The following NSL1 variants were observed in gnomAD, a reference collection of about 807,000 sequenced individuals.
The protein encoded by NSL1 is kinetochore-associated protein NSL1 homolog.
Under a neutral mutation model 25.4 loss-of-function variants are expected in NSL1, and 11 were observed. The observed-to-expected ratio is 0.43, with a 90% CI of 0.27 to 0.72. NSL1 has a LOEUF of 0.72. NSL1 is among the 30% of genes least tolerant of loss of function. The pLI is 0.19. For missense variants in NSL1, 330 were observed against 342.7 expected, an observed-to-expected ratio of 0.96 and a Z score of 0.29; for synonymous variants, 118 against 120.6, an observed-to-expected ratio of 0.98 and a Z score of 0.14.
At chr1:212,742,272 A>G (rs1172087152) in intron 4 of NSL1, among the ~76,000 whole-genome samples, 1 of 152,238 alleles carries the variant, frequency 6.6e-6, no homozygotes, top group Non-Finnish European at 1.5e-5. Context: ...TGGACTTAAG[A>G]AAATTTACAT....
chr1:212,762,306 CAAAAAAAAAAAAA>C lies in NSL1; in HGVS notation c.499+20053_499+20065del, dbSNP rs71147025. On this transcript the variant is annotated intron_variant, in intron 4 of 5. Transcript: ENST00000366977. ...GAGTCTCACTCTGTCTTAAAAGAAA[CAAAAAAAAAAAAA>C]AAAAAAAGAAAAGAAGTTTACGAAT... Among the ~76,000 whole-genome samples the C allele has an allele frequency of 5.4e-3, 621 of 114,642 alleles. 23 individuals are homozygous for C. In the East Asian group the frequency reaches 0.12, roughly 23 times the overall value. 75.2% of individuals were successfully genotyped at this position (114,642 alleles called of 152,430 possible). A position where few individuals can be genotyped will look rare whatever the true frequency, so the allele number is the denominator to read the frequency against.
intron 4 of NSL1, chr1:212,766,223 C>A (rs1659808149): frequency 1.5e-6 from 1 of 658,982 alleles, no homozygotes; most frequent in Non-Finnish European, 2.8e-6. Flanking sequence ...GACAAATCCA[C>A]AGCCAACATC....
Position 212,732,169 on chromosome 1 carries a change from T to A in NSL1, c.*6239A>T. The A allele has an allele frequency of 1.0e-6, 1 of 985,062 alleles. No individual in the cohort carries two copies. The highest frequency in any genetic ancestry group is 1.2e-6 in the Non-Finnish European group (1 of 829,610). 61.0% of individuals were successfully genotyped at this position (985,062 alleles called of 1,614,324 possible). A position where few individuals can be genotyped will look rare whatever the true frequency, so the allele number is the denominator to read the frequency against. On this transcript the variant is annotated 3_prime_UTR_variant, in exon 6 of 6. Coordinates refer to ENST00000366977, the MANE Select transcript of NSL1 (RefSeq NM_015471.4). The stretch of plus-strand genomic sequence containing the variant: ...AGCTTTCTGCCTCTACTGTAGTGAA[T>A]AACTGCCTTATTTTTTGTTTCTTTG...
chr1:212,747,040 G>A (rs1408754872), intron 4 of NSL1, among the ~76,000 whole-genome samples: 2 of 151,850 alleles, frequency 1.3e-5, no homozygotes, highest in African/African-American at 2.4e-5. Flanking sequence ...AGCTACAAGG[G>A]AGGCTGAAGC....
At position 212,760,795 on chromosome 1, in the gene NSL1, G is replaced by A. The variant is rs12132316; in HGVS notation, c.500-21194C>T. ...CACCTGGAGGCCCAAGAATTGGTCT[G>A]CCTGGACCTGATAACACTAGTATCT... On this transcript the variant is annotated intron_variant, in intron 4 of 5. Transcript: ENST00000366977. This position sits in a 1 kb window ranked among gnomAD's most constrained non-coding sequence, Gnocchi z 4.3. 0.4 allele frequency among the ~76,000 whole-genome samples: 61,007 copies of A among 152,060 alleles called. 13,922 individuals are homozygous for A. The highest frequency in any genetic ancestry group is 0.51 in the Non-Finnish European group (34,457 of 67,958).
intron 4 of NSL1, among the ~76,000 whole-genome samples, chr1:212,777,310 G>A (rs1249236297): frequency 6.6e-6 from 1 of 151,988 alleles, no homozygotes; most frequent in Non-Finnish European, 1.5e-5. Flanking sequence ...CCAAGAGATT[G>A]AGGTGGCAAT....
At chr1:212,754,060 CCAGAT>C (rs369746672) in intron 4 of NSL1, among the ~76,000 whole-genome samples, 1 of 152,152 alleles carries the variant, frequency 6.6e-6, no homozygotes, top group Non-Finnish European at 1.5e-5. Flanking sequence ...TAGGTAGGGG[CCAGAT>C]CACCTAAGGG....
At position 212,791,601 on chromosome 1, in the gene NSL1, G is replaced by T; in HGVS notation, c.163C>A (p.Arg55Ser). The part of the protein sequence containing the change: ...AVTEMLQLCG[R>S]FVQKLGDALP... Reference sequence around the variant, plus strand: ...GCGTCCCCGAGCTTTTGCACGAAGCGGCCGCACAGTTGTAGCATTTCGGTC... The same window carrying T: ...GCGTCCCCGAGCTTTTGCACGAAGCTGCCGCACAGTTGTAGCATTTCGGTC... Residue 55 changes from arginine (R) to serine (S), a missense_variant, in exon 1 of 6, where the codon CGC (arginine) becomes AGC (serine). By Grantham distance (110) the Arg-to-Ser change is moderately radical (BLOSUM62 -1). Transcript: ENST00000366977. 1 of 1,613,870 alleles carries T rather than the reference G, an allele frequency of 6.2e-7. No individual in the cohort carries two copies. The highest frequency in any genetic ancestry group is 1.3e-5 in the African/African-American group (1 of 75,010).
At chr1:212,759,141 A>G (rs536348030) in intron 4 of NSL1, among the ~76,000 whole-genome samples, 1 of 152,358 alleles carries the variant, frequency 6.6e-6, no homozygotes, top group East Asian at 1.9e-4. Flanking sequence ...ATTAGACAAC[A>G]GTTTCTAAAA....
chr1:212,783,422 A>G (rs564193610), intron 3 of NSL1, among the ~76,000 whole-genome samples: 50 of 152,230 alleles, frequency 3.3e-4, no homozygotes, highest in Admixed American at 2.3e-3. Context: ...GAGAACTGCT[A>G]TAAAGAAAAT....
rs1660812071 is a variant in NSL1 at position 212,783,521 on chromosome 1, C to T, written c.444+842G>A. On this transcript the variant is annotated intron_variant, in intron 3 of 5. Coordinates refer to ENST00000366977, the MANE Select transcript of NSL1 (RefSeq NM_015471.4). ...AAGCCGGGCATATAATGACCTGAAA[C>T]AATCCTGAAACTGAGGCAACTAGAA... Among the ~76,000 whole-genome samples, 6 of 152,132 alleles carry T rather than the reference C, an allele frequency of 3.9e-5. No individual in the cohort carries two copies. The South Asian group carries it at 1.2e-3, about 32-fold the overall frequency.
In NSL1 at chr1:212,731,064, T is replaced by C. The variant is rs1342507820; in HGVS notation, c.*7344A>G. 1 of 985,112 alleles carries C rather than the reference T, an allele frequency of 1.0e-6. No individual in the cohort carries two copies. Among genetic ancestry groups the C allele is most frequent in the African/African-American group, 1.7e-5 (1 of 57,200 alleles). The allele number at this position is 985,112 out of a possible 1,614,324, so 61.0% of individuals were successfully genotyped here. A position where few individuals can be genotyped will look rare whatever the true frequency, so the allele number is the denominator to read the frequency against. ...AGCTTCAAATGAATATAACATTAAT[T>C]TTCTCAAATCCTTTCATATAAAATC... On this transcript the variant is annotated 3_prime_UTR_variant, in exon 6 of 6. Transcript: ENST00000366977.
intron 4 of NSL1, among the ~76,000 whole-genome samples, chr1:212,742,506 T>C (rs1425175468): frequency 6.6e-6 from 1 of 152,208 alleles, no homozygotes; most frequent in African/African-American, 2.4e-5. Context: ...AAGTGTAGTG[T>C]CAAAATTATC....
intron 4 of NSL1, among the ~76,000 whole-genome samples, chr1:212,751,035 G>A (rs1426718634): frequency 6.6e-6 from 1 of 152,034 alleles, no homozygotes; most frequent in Non-Finnish European, 1.5e-5. Flanking sequence ...ATCTGACTCA[G>A]GAACAAAATA....
rs1395350672 is a variant in NSL1 at position 212,734,726 on chromosome 1, G to A, written c.*3682C>T. Among the ~76,000 whole-genome samples, 1 of 152,074 alleles carries A rather than the reference G, an allele frequency of 6.6e-6. No individual in the cohort carries two copies. Among genetic ancestry groups the A allele is most frequent in the Non-Finnish European group, 1.5e-5 (1 of 68,020 alleles). ...TTCTTTATTCCTGTATTCCTTCCCTGATTATTTGCCTAAAACATTCAAGAC... is the reference window on the plus strand; with the variant it reads ...TTCTTTATTCCTGTATTCCTTCCCTAATTATTTGCCTAAAACATTCAAGAC... On this transcript the variant is annotated 3_prime_UTR_variant, in exon 6 of 6. Transcript: ENST00000366977.
Position 212,732,829 on chromosome 1 carries a change from C to T in NSL1, c.*5579G>A, listed in dbSNP as rs1658081301. 6.4e-6 allele frequency: 1 copy of T among 156,028 alleles called. No homozygotes were observed. Among genetic ancestry groups the T allele is most frequent in the African/African-American group, 2.4e-5 (1 of 41,480 alleles). The allele number at this position is 156,028 out of a possible 1,614,324, so 9.7% of individuals were successfully genotyped here. On this transcript the variant is annotated 3_prime_UTR_variant, in exon 6 of 6. Transcript: ENST00000366977. ...ATATCTGAGATATCTTTTAGCTAAT[C>T]ATGCACTTGATTATTAGTTTGACTG...
At chr1:212,754,644 G>A (rs547870099) in intron 4 of NSL1, among the ~76,000 whole-genome samples, 9 of 151,964 alleles carry the variant, frequency 5.9e-5, no homozygotes, top group African/African-American at 2.2e-4. Flanking sequence ...GGGCGTGGTG[G>A]TGGGCACCTG....
In NSL1 at chr1:212,726,406, C is replaced by G. The variant is rs1219128458; in HGVS notation, c.*12002G>C. 7 of 152,234 alleles carry G rather than the reference C, an allele frequency of 4.6e-5. No homozygotes were observed. Among genetic ancestry groups the G allele is most frequent in the Admixed American group, 4.6e-4 (7 of 15,274 alleles). The allele number at this position is 152,234 out of a possible 1,614,324, so 9.4% of individuals were successfully genotyped here. A position where few individuals can be genotyped will look rare whatever the true frequency, so the allele number is the denominator to read the frequency against. On this transcript the variant is annotated 3_prime_UTR_variant, in exon 6 of 6. Transcript: ENST00000366977. ...TATTCAAACAGTTTTTGGGAGGTAACACTGTCCCTATGGGAAGACTTGGTA... is the reference window on the plus strand; with the variant it reads ...TATTCAAACAGTTTTTGGGAGGTAAGACTGTCCCTATGGGAAGACTTGGTA...
chr1:212,738,718 T>A, intron 5 of NSL1, 32 bp from the exon 6 acceptor site: 1 of 1,553,668 alleles, frequency 6.4e-7, no homozygotes, highest in Non-Finnish European at 8.8e-7. Flanking sequence ...TATTCAACAT[T>A]AATCTCAGGT....
Sources: allele counts gnomAD v4.1 joint callset (sites outside exome capture counted in the v4.1 genomes callset), GRCh38; gene constraint gnomAD v4.1.1; non-coding constraint Gnocchi (gnomAD v3.1); transcripts MANE v1.5; gene names NCBI Gene and HGNC (gene_info 2026-07-23, HGNC 2026-07-21).